The following LRMDA variants were observed in gnomAD, a reference collection of about 807,000 sequenced individuals.
The protein encoded by LRMDA is leucine-rich melanocyte differentiation-associated protein.
Under a neutral mutation model 29.8 loss-of-function variants are expected in LRMDA, and 18 were observed. The ratio of observed to expected loss-of-function variants is 0.60; its 90% CI spans 0.42 to 0.90. The LOEUF (loss-of-function observed/expected upper bound fraction) is 0.90. Ranked by LOEUF, LRMDA falls within the 40% of genes least tolerant of loss-of-function variation. The pLI is 0.00. For missense variants in LRMDA, 273 were observed against 273.9 expected (o/e 1.00, Z 0.02); for synonymous variants, 125 against 109.4 (o/e 1.14, Z -0.89).
At chr10:76,407,061 A>C (rs1841909888) in intron 6 of LRMDA, among the ~76,000 whole-genome samples, 1 of 152,158 alleles carries the variant, frequency 6.6e-6, no homozygotes, top group Non-Finnish European at 1.5e-5. Context: ...TCCATGCCTC[A>C]AAAAGCTCAT....
chr10:76,125,571 A>G (rs1849865601), intron 5 of LRMDA, among the ~76,000 whole-genome samples: 1 of 152,208 alleles, frequency 6.6e-6, no homozygotes, highest in South Asian at 2.1e-4. Context: ...TGCCCAGAGT[A>G]AAATTGCCTA....
intron 5 of LRMDA, among the ~76,000 whole-genome samples, chr10:76,184,633 A>T (rs1851114349): frequency 6.6e-6 from 1 of 152,350 alleles, no homozygotes; most frequent in Non-Finnish European, 1.5e-5. Context: ...GTCTGGGTAT[A>T]GAGCTAACAC....
At chr10:75,743,959 G>C (rs1322492646) in intron 2 of LRMDA, among the ~76,000 whole-genome samples, 6 of 152,186 alleles carry the variant, frequency 3.9e-5, no homozygotes, top group Non-Finnish European at 8.8e-5. Context: ...CAGATGTTAA[G>C]CATTTTGTGA....
At chr10:75,716,451 A>G (rs1842500761) in intron 2 of LRMDA, among the ~76,000 whole-genome samples, 3 of 152,228 alleles carry the variant, frequency 2.0e-5, no homozygotes, top group Non-Finnish European at 4.4e-5. Context: ...TAAAGGGTAG[A>G]AAAATCTCAG....
intron 6 of LRMDA, among the ~76,000 whole-genome samples, chr10:76,421,959 G>A (rs1375071465): frequency 6.6e-6 from 1 of 152,132 alleles, no homozygotes; most frequent in African/African-American, 2.4e-5. Context: ...AGGAAGGTCT[G>A]GTGGGGGAAG....
intron 5 of LRMDA, among the ~76,000 whole-genome samples, chr10:76,191,995 C>A (rs1285183043): frequency 6.6e-6 from 1 of 152,116 alleles, no homozygotes; most frequent in Non-Finnish European, 1.5e-5. Context: ...GAATAACAAA[C>A]CCAGGTCTCG....
chr10:75,589,067 C>T (rs1203852399), intron 2 of LRMDA, among the ~76,000 whole-genome samples: 1 of 152,108 alleles, frequency 6.6e-6, no homozygotes, highest in Non-Finnish European at 1.5e-5. Context: ...AGTGAGTTAC[C>T]TTAAACTGTC....
chr10:76,207,963 C>A (rs1267911034), intron 5 of LRMDA, among the ~76,000 whole-genome samples: 15 of 148,268 alleles, frequency 1.0e-4, no homozygotes, highest in African/African-American at 3.5e-4. Context: ...GACTCCATCT[C>A]AAAAAAAAAA....
At chr10:76,151,988 C>T (rs72815557) in intron 5 of LRMDA, among the ~76,000 whole-genome samples, 20,994 of 152,154 alleles carry the variant, frequency 0.14, 1,629 homozygotes, top group East Asian at 0.24. Flanking sequence ...TACTAGTTTA[C>T]CCACATAATA....
At chr10:75,811,903 T>A (rs1843967909) in intron 2 of LRMDA, among the ~76,000 whole-genome samples, 1 of 152,196 alleles carries the variant, frequency 6.6e-6, no homozygotes, top group Admixed American at 6.5e-5. Flanking sequence ...GTGAATTGAA[T>A]GATGTGAATT....
intron 2 of LRMDA, among the ~76,000 whole-genome samples, chr10:75,855,947 A>G (rs978390125): frequency 6.6e-6 from 1 of 152,176 alleles, no homozygotes; most frequent in African/African-American, 2.4e-5. Flanking sequence ...TGCCAGTACC[A>G]TGCTGTTTTG....
chr10:75,518,254 T>C (rs931508281), intron 2 of LRMDA, among the ~76,000 whole-genome samples: 2 of 152,206 alleles, frequency 1.3e-5, no homozygotes, highest in African/African-American at 2.4e-5. Context: ...TTTCTACTGA[T>C]TGGAATAGTT....
chr10:75,613,120 T>TA (rs1841053838), intron 2 of LRMDA, among the ~76,000 whole-genome samples: 2 of 151,912 alleles, frequency 1.3e-5, no homozygotes, highest in Non-Finnish European at 2.9e-5. Context: ...TTGCCAATTT[T>TA]TTTTTTTTTG....
intron 6 of LRMDA, among the ~76,000 whole-genome samples, chr10:76,410,566 C>T (rs1489829950): frequency 6.6e-6 from 1 of 152,004 alleles, no homozygotes; most frequent in African/African-American, 2.4e-5. Flanking sequence ...GCCTTGGCTT[C>T]CCAAAGTGCT....
At chr10:75,884,269 GTGTGTGT>G (rs1564596289) in intron 2 of LRMDA, among the ~76,000 whole-genome samples, 116 of 150,624 alleles carry the variant, frequency 7.7e-4, no homozygotes, top group African/African-American at 2.7e-3. Context: ...GTGTGTGTGT[GTGTGTGT>G]GTGTGTGTGT....
intron 2 of LRMDA, among the ~76,000 whole-genome samples, chr10:75,724,712 T>C (rs1842610122): frequency 6.6e-6 from 1 of 152,102 alleles, no homozygotes; most frequent in Non-Finnish European, 1.5e-5. Flanking sequence ...AGCTAAAGGG[T>C]TCTTCATATT....
At chr10:75,887,225 A>T (rs1341110793) in intron 2 of LRMDA, among the ~76,000 whole-genome samples, 4 of 151,462 alleles carry the variant, frequency 2.6e-5, no homozygotes, top group Non-Finnish European at 5.9e-5. Context: ...GAATTTATAG[A>T]AAAATACTGG....
chr10:76,425,865 T>C (rs1842119815), intron 6 of LRMDA, among the ~76,000 whole-genome samples: 2 of 152,068 alleles, frequency 1.3e-5, no homozygotes, highest in African/African-American at 2.4e-5. Flanking sequence ...TGGTTTTTTG[T>C]CCTTGTGATA....
intron 2 of LRMDA, among the ~76,000 whole-genome samples, chr10:76,034,602 CT>C (rs1326501738): frequency 2.0e-5 from 3 of 152,164 alleles, no homozygotes; most frequent in Non-Finnish European, 4.4e-5. Flanking sequence ...TAAGTATTGA[CT>C]CCCTATTTTG....
Sources: gnomAD v4.1 joint callset for allele counts (sites outside exome capture counted in the v4.1 genomes callset) on GRCh38, gnomAD v4.1.1 for gene constraint, MANE v1.5 for transcripts, NCBI Gene and HGNC (gene_info 2026-07-23, HGNC 2026-07-21) for gene names.